PCDHA4: variants seen among roughly 807,000 people sequenced by gnomAD.
The protein encoded by PCDHA4 is protocadherin alpha-4.
PCDHA4 carries 49 observed loss-of-function variants against 61.4 expected under a neutral mutation model. The observed-to-expected ratio is 0.80, with a 90% confidence interval of 0.63 to 1.01. The LOEUF (loss-of-function observed/expected upper bound fraction) is 1.01. Among genes scored for constraint, PCDHA4 ranks in the 50% least tolerant of loss-of-function variants. PCDHA4 has a pLI of 0.00. For synonymous variants in PCDHA4, 590 were observed against 550.3 expected (o/e 1.07, Z -1.01); for missense variants, 1,254 against 1,235.8 (o/e 1.01, Z -0.22).
At chr5:140,850,349 G>C (rs1554144220) in intron 1 of PCDHA4, 1 of 1,597,844 alleles carries the variant, frequency 6.3e-7, no homozygotes, top group South Asian at 1.1e-5. Flanking sequence ...CGGCCAGCGC[G>C]AGCATCCCGT....
chr5:140,996,636 T>G (rs561950169), intron 3 of PCDHA4, among the ~76,000 whole-genome samples: 17 of 152,346 alleles, frequency 1.1e-4, no homozygotes, highest in Middle Eastern at 6.8e-3. Context: ...CTGCAAATTA[T>G]GTAGTTAATC....
intron 3 of PCDHA4, among the ~76,000 whole-genome samples, chr5:141,005,559 G>A (rs980622255): frequency 6.6e-6 from 1 of 151,190 alleles, no homozygotes; most frequent in Admixed American, 6.6e-5. Flanking sequence ...AAAATTAGCC[G>A]GGCATGGTGG....
At chr5:141,008,745 G>A (rs759690147) in intron 3 of PCDHA4, among the ~76,000 whole-genome samples, 5 of 152,200 alleles carry the variant, frequency 3.3e-5, no homozygotes, top group Non-Finnish European at 7.3e-5. Context: ...TGAGCACACT[G>A]AGGGAAGGAA....
At chr5:140,911,592 A>G (rs1255304289) in intron 1 of PCDHA4, among the ~76,000 whole-genome samples, 1 of 152,212 alleles carries the variant, frequency 6.6e-6, no homozygotes, top group Non-Finnish European at 1.5e-5. Flanking sequence ...GGAGGAACCA[A>G]CCAACTTCAT....
intron 1 of PCDHA4, among the ~76,000 whole-genome samples, chr5:140,896,760 T>C (rs562641955): frequency 1.3e-5 from 2 of 152,340 alleles, no homozygotes; most frequent in East Asian, 3.9e-4. Flanking sequence ...ATTAGACCTT[T>C]GTTGGATGCA....
chr5:140,946,326 A>T (rs1554217498), intron 1 of PCDHA4, among the ~76,000 whole-genome samples: 1 of 151,914 alleles, frequency 6.6e-6, no homozygotes, highest in East Asian at 1.9e-4. Context: ...GAAAGAGGAA[A>T]GATAACAAGT....
At chr5:140,872,485 G>A (rs978511800) in intron 1 of PCDHA4, among the ~76,000 whole-genome samples, 1 of 152,080 alleles carries the variant, frequency 6.6e-6, no homozygotes, top group Non-Finnish European at 1.5e-5. Flanking sequence ...AAATTAGCCA[G>A]ACCTAGTGGT....
rs1308888029 is a variant in PCDHA4 at position 141,011,344 on chromosome 5, A to G, written c.*1407A>G. Reference sequence around the variant, plus strand: ...ACACCTATGATGTTACCTGAAATCAATCTCCCATATGTATGCTGTATGCTA... The same window carrying G: ...ACACCTATGATGTTACCTGAAATCAGTCTCCCATATGTATGCTGTATGCTA... On this transcript the variant is annotated 3_prime_UTR_variant, in exon 4 of 4. Coordinates refer to ENST00000530339, the MANE Select transcript of PCDHA4 (RefSeq NM_018907.4). 3 of 153,730 alleles carry G rather than the reference A, an allele frequency of 2.0e-5. No homozygotes were observed. The highest frequency in any genetic ancestry group is 2.9e-5 in the Non-Finnish European group (2 of 68,040). The allele number at this position is 153,730 out of a possible 1,614,324, so 9.5% of individuals were successfully genotyped here.
intron 3 of PCDHA4, among the ~76,000 whole-genome samples, chr5:140,997,797 C>T (rs2097786104): frequency 6.6e-6 from 1 of 151,944 alleles, no homozygotes; most frequent in Non-Finnish European, 1.5e-5. Context: ...TATAATTTAT[C>T]CAATTTGCTG....
chr5:140,870,707 G>A, intron 1 of PCDHA4: 1 of 1,613,076 alleles, frequency 6.2e-7, no homozygotes, highest in Non-Finnish European at 8.5e-7. Context: ...TTCCAGGTGA[G>A]CGCGCGCGAT....
chr5:140,850,443 C>T, intron 1 of PCDHA4: 4 of 1,597,988 alleles, frequency 2.5e-6, no homozygotes, highest in Non-Finnish European at 3.4e-6. Flanking sequence ...CCTACTGGTG[C>T]TGGTGAAAGA....
intron 1 of PCDHA4, among the ~76,000 whole-genome samples, chr5:140,847,067 A>G (rs1780844287): frequency 1.3e-5 from 2 of 149,984 alleles, no homozygotes; most frequent in Admixed American, 1.3e-4. Context: ...AAGCATCAAT[A>G]TGACAAGTAG....
chr5:140,897,885 C>G (rs1554187646), intron 1 of PCDHA4, among the ~76,000 whole-genome samples: 1 of 152,182 alleles, frequency 6.6e-6, no homozygotes, highest in Non-Finnish European at 1.5e-5. Context: ...GCCATTCTAA[C>G]TGGTGTGAGA....
At chr5:140,999,345 C>A (rs2097854633) in intron 3 of PCDHA4, among the ~76,000 whole-genome samples, 1 of 152,178 alleles carries the variant, frequency 6.6e-6, no homozygotes, top group Non-Finnish European at 1.5e-5. Flanking sequence ...TAAGCCTTGT[C>A]TCTTTTTAAT....
chr5:140,859,656 C>A (rs2045955130), intron 1 of PCDHA4: 1 of 155,362 alleles, frequency 6.4e-6, no homozygotes, highest in Admixed American at 6.4e-5. Context: ...TCAGTACGTG[C>A]TTCACAAATA....
chr5:140,836,745 C>T, intron 1 of PCDHA4: 1 of 1,588,116 alleles, frequency 6.3e-7, no homozygotes, highest in Non-Finnish European at 8.6e-7. Flanking sequence ...CAATGTGAGT[C>T]ATAAATAATC....
At chr5:140,817,228 C>G (rs1308715017) in intron 1 of PCDHA4, 1 of 152,288 alleles carries the variant, frequency 6.6e-6, no homozygotes, top group Non-Finnish European at 1.5e-5. Flanking sequence ...TTTCCCTTCT[C>G]AGGGAGAAGA....
chr5:140,851,858 A>T, intron 1 of PCDHA4: 3 of 973,970 alleles, frequency 3.1e-6, no homozygotes, highest in Non-Finnish European at 3.7e-6. Flanking sequence ...CTCTCAGCTC[A>T]TACATAACAC....
At chr5:141,003,515 G>T (rs1402480495) in intron 3 of PCDHA4, among the ~76,000 whole-genome samples, 1 of 152,114 alleles carries the variant, frequency 6.6e-6, no homozygotes, top group African/African-American at 2.4e-5. Context: ...GTTTCACCAT[G>T]TTCCCTAGGC....
Sources: allele counts gnomAD v4.1 joint callset (sites outside exome capture counted in the v4.1 genomes callset), GRCh38; gene constraint gnomAD v4.1.1; transcripts MANE v1.5; gene names NCBI Gene and HGNC (gene_info 2026-07-23, HGNC 2026-07-21).